TSPAN7: variants seen among roughly 807,000 people sequenced by gnomAD.
TSPAN7 encodes the protein tetraspanin-7.
Under a neutral mutation model 17.6 loss-of-function variants are expected in TSPAN7, and 1 was observed. That is an observed-to-expected ratio of 0.06 (90% CI 0.02 to 0.27). The LOEUF is 0.27. Among genes scored for constraint, TSPAN7 ranks in the 10% least tolerant of loss-of-function variants. TSPAN7 has a pLI of 1.00. For missense variants in TSPAN7, 112 were observed against 201.7 expected, an observed-to-expected ratio of 0.56 and a Z score of 2.69; for synonymous variants, 78 against 79.0, an observed-to-expected ratio of 0.99 and a Z score of 0.07.
intron 1 of TSPAN7, among the ~76,000 whole-genome samples, chrX:38,650,866 C>T (rs1034253378): frequency 2.7e-5 from 3 of 110,597 alleles, no homozygotes; most frequent in African/African-American, 9.9e-5. Flanking sequence ...TGTTTCCAGA[C>T]TTGACTATTG....
At chrX:38,641,178 G>A (rs1367946019) in intron 1 of TSPAN7, among the ~76,000 whole-genome samples, 1 of 112,168 alleles carries the variant, frequency 8.9e-6, no homozygotes, top group Non-Finnish European at 1.9e-5. Context: ...TTTGCAGCAT[G>A]ATTAATGCCC....
intron 6 of TSPAN7, among the ~76,000 whole-genome samples, chrX:38,685,339 G>T (rs979577939): frequency 8.9e-5 from 10 of 112,221 alleles, no homozygotes; most frequent in African/African-American, 3.2e-4. Flanking sequence ...TTCAGTACAG[G>T]CTAGGTACAG....
At chrX:38,606,626 G>A (rs2069385213) in intron 1 of TSPAN7, among the ~76,000 whole-genome samples, 1 of 111,225 alleles carries the variant, frequency 9.0e-6, no homozygotes, top group Non-Finnish European at 1.9e-5. Flanking sequence ...TGGAAGTGAT[G>A]AATGCAACAC....
chrX:38,589,846 G>A (rs373372370), intron 1 of TSPAN7, among the ~76,000 whole-genome samples: 9 of 111,595 alleles, frequency 8.1e-5, no homozygotes, highest in East Asian at 2.8e-4. Flanking sequence ...TGAGGTAGAC[G>A]CTAAATACAT....
intron 1 of TSPAN7, among the ~76,000 whole-genome samples, chrX:38,577,737 A>G (rs1312394993): frequency 9.3e-6 from 1 of 107,254 alleles, no homozygotes; most frequent in Non-Finnish European, 1.9e-5. Flanking sequence ...TGGGTGCAGC[A>G]CACTAACATG....
At chrX:38,605,338 G>C (rs1264784717) in intron 1 of TSPAN7, among the ~76,000 whole-genome samples, 1 of 109,944 alleles carries the variant, frequency 9.1e-6, no homozygotes, top group East Asian at 2.9e-4. Context: ...AAATACCTAG[G>C]AATCCAACTT....
intron 2 of TSPAN7, among the ~76,000 whole-genome samples, chrX:38,668,613 C>T (rs1309207214): frequency 2.7e-5 from 3 of 112,039 alleles, no homozygotes; most frequent in East Asian, 5.5e-4. Flanking sequence ...TTCATGTTGT[C>T]GCAAGTGACA....
At chrX:38,681,378 G>C in intron 6 of TSPAN7, 91 bp downstream of exon 6, 2 of 762,677 alleles carry the variant, frequency 2.6e-6, no homozygotes. Context: ...CCTGTGCTTT[G>C]GGAAAAGCTG....
At chrX:38,642,542 A>G in intron 1 of TSPAN7, among the ~76,000 whole-genome samples, 1 of 112,299 alleles carries the variant, frequency 8.9e-6, no homozygotes, top group Non-Finnish European at 1.9e-5. Flanking sequence ...GCTCAGAGAA[A>G]TAGACTTAAA....
intron 1 of TSPAN7, among the ~76,000 whole-genome samples, chrX:38,590,708 G>A (rs1431404072): frequency 7.2e-5 from 8 of 111,438 alleles, no homozygotes; most frequent in African/African-American, 2.6e-4. Flanking sequence ...TTCAGCTTTT[G>A]TATATCTGAA....
chrX:38,576,324 C>T lies in TSPAN7; in HGVS notation c.81+14697C>T, dbSNP rs775629504. ...ATTTTTATCTTGAAAGAGCTGGTAA[C>T]GCACTGTCTAATAAATTAACCGCCT... On this transcript the variant is annotated intron_variant, in intron 1 of 7. Transcript: ENST00000378482. 7.2e-5 allele frequency among the ~76,000 whole-genome samples: 8 copies of T among 111,865 alleles called. No individual in the cohort carries two copies. In the East Asian group the frequency reaches 8.4e-4, roughly 12 times the overall value.
intron 1 of TSPAN7, among the ~76,000 whole-genome samples, chrX:38,588,025 G>T (rs2147403976): frequency 8.9e-6 from 1 of 111,754 alleles, no homozygotes; most frequent in South Asian, 3.7e-4. Flanking sequence ...AGAGTGAGAG[G>T]TTTGTCTTGA....
At chrX:38,562,306 C>G (rs1208834276) in intron 1 of TSPAN7, among the ~76,000 whole-genome samples, 3 of 111,613 alleles carry the variant, frequency 2.7e-5, no homozygotes, top group African/African-American at 9.8e-5. Flanking sequence ...GGATTCCTTT[C>G]CCACCTCCCT....
At chrX:38,619,662 G>A (rs754824144) in intron 1 of TSPAN7, among the ~76,000 whole-genome samples, 2 of 111,671 alleles carry the variant, frequency 1.8e-5, no homozygotes, top group African/African-American at 6.5e-5. Context: ...GACATCTACA[G>A]TATTGACATT....
At chrX:38,628,909 G>T (rs1179599882) in intron 1 of TSPAN7, among the ~76,000 whole-genome samples, 1 of 111,514 alleles carries the variant, frequency 9.0e-6, no homozygotes, top group Non-Finnish European at 1.9e-5. Flanking sequence ...GCCTTGGATG[G>T]TCTTTGGGCC....
intron 1 of TSPAN7, among the ~76,000 whole-genome samples, chrX:38,645,269 C>T (rs2069638016): frequency 8.9e-6 from 1 of 112,350 alleles, no homozygotes; most frequent in South Asian, 3.7e-4. Context: ...TCTGTGAGCC[C>T]ATTGCTTCCT....
At position 38,563,808 on chromosome X, in the gene TSPAN7, G is replaced by A. The variant is rs184379541; in HGVS notation, c.81+2181G>A. On this transcript the variant is annotated intron_variant, in intron 1 of 7. Transcript: ENST00000378482. ...AGTTTAAATACCAAAGCCAGTTCTG[G>A]CTTTGGTTGTTGTAATCATTTCATA... Among the ~76,000 whole-genome samples, 97 of 111,456 alleles carry A rather than the reference G, an allele frequency of 8.7e-4. 1 individual carries two copies. The highest frequency in any genetic ancestry group is 3.7e-3 in the East Asian group (13 of 3,552).
intron 6 of TSPAN7, among the ~76,000 whole-genome samples, chrX:38,684,744 T>C (rs184478132): frequency 9.0e-6 from 1 of 110,956 alleles, no homozygotes; most frequent in African/African-American, 3.3e-5. Flanking sequence ...ATTCCCCATA[T>C]CACGTAATAT....
intron 6 of TSPAN7, 123 bp downstream of exon 6, chrX:38,681,410 TG>T: frequency 1.7e-6 from 1 of 587,008 alleles, no homozygotes; most frequent in East Asian, 3.3e-5. Flanking sequence ...CAAAGCTCCT[TG>T]CTCATTAGTC....
Sources: gnomAD v4.1 joint callset for allele counts (sites outside exome capture counted in the v4.1 genomes callset) on GRCh38, gnomAD v4.1.1 for gene constraint, MANE v1.5 for transcripts, NCBI Gene and HGNC (gene_info 2026-07-23, HGNC 2026-07-21) for gene names.